The following KIF13A variants were observed in gnomAD, a reference collection of about 807,000 sequenced individuals.
The protein encoded by KIF13A is kinesin-like protein KIF13A.
In KIF13A, 79 loss-of-function variants were observed where a neutral mutation model predicts 212.2. That is an observed-to-expected ratio of 0.37 (90% CI 0.31 to 0.45). The LOEUF (loss-of-function observed/expected upper bound fraction) is 0.45, where lower values mean the gene tolerates loss of function less well. KIF13A is among the 20% of genes least tolerant of loss of function. The pLI is 1.00. For missense variants in KIF13A, 1,901 were observed against 2,209.0 expected, an observed-to-expected ratio of 0.86 and a Z score of 2.79; for synonymous variants, 789 against 808.6, an observed-to-expected ratio of 0.98 and a Z score of 0.41.
chr6:17,981,409 TTTTG>T (rs901865158), intron 2 of KIF13A, among the ~76,000 whole-genome samples: 2 of 151,490 alleles, frequency 1.3e-5, no homozygotes, highest in African/African-American at 2.4e-5. Flanking sequence ...TTACTTTTAG[TTTTG>T]TTTTTCTTTT....
chr6:17,870,430 T>G (rs2150430953), intron 4 of KIF13A, among the ~76,000 whole-genome samples: 1 of 152,218 alleles, frequency 6.6e-6, no homozygotes, highest in Non-Finnish European at 1.5e-5. Context: ...ATCATCTGTA[T>G]GTAATGAAGT....
chr6:17,881,446 A>G (rs1454123184), intron 3 of KIF13A: 1 of 377,508 alleles, frequency 2.6e-6, no homozygotes, highest in Admixed American at 3.2e-5. Context: ...TTACAGTTAA[A>G]AAAAAAAAAA....
At chr6:17,913,645 T>G (rs1451373450) in intron 2 of KIF13A, among the ~76,000 whole-genome samples, 1 of 152,068 alleles carries the variant, frequency 6.6e-6, no homozygotes, top group African/African-American at 2.4e-5. Context: ...GAGGGGATGG[T>G]GAACTCAGCT....
intron 18 of KIF13A, among the ~76,000 whole-genome samples, chr6:17,808,089 A>G (rs1763128321): frequency 6.6e-6 from 1 of 152,142 alleles, no homozygotes; most frequent in Admixed American, 6.6e-5. Flanking sequence ...TTCACTCTTA[A>G]AAAGGTACCA....
intron 2 of KIF13A, among the ~76,000 whole-genome samples, chr6:17,910,938 T>C (rs1774001806): frequency 6.6e-6 from 1 of 152,200 alleles, no homozygotes; most frequent in African/African-American, 2.4e-5. Flanking sequence ...AATGTTTTTG[T>C]ATTTTTAGTA....
intron 38 of KIF13A, chr6:17,770,804 G>A: frequency 1.0e-6 from 1 of 990,968 alleles, no homozygotes; most frequent in Non-Finnish European, 1.3e-6. Flanking sequence ...AATATGTATA[G>A]GCACATTAGA....
At position 17,772,041 on chromosome 6, in the gene KIF13A, G is replaced by T; in HGVS notation, c.4343C>A (p.Pro1448His). Residue 1448 changes from proline (P) to histidine (H), a missense_variant, in exon 37 of 39, where the codon CCT (proline) becomes CAT (histidine). Pro to His is a moderately conservative substitution (Grantham distance 77, BLOSUM62 -2). Coordinates refer to ENST00000259711, the MANE Select transcript of KIF13A (RefSeq NM_022113.6). This position sits in a 1 kb window ranked among gnomAD's most constrained non-coding sequence, Gnocchi z 4.8. ...AAAAGGGCTGACGGTTAAGGCATGA[G>T]GAGTCTCTGATGTACAACCTAGGGA... ...RNKEGCTSET[P>H]HALTVSPFKA... 6.2e-7 allele frequency: 1 copy of T among 1,613,922 alleles called. No individual in the cohort carries two copies. Among genetic ancestry groups the T allele is most frequent in the Non-Finnish European group, 8.5e-7 (1 of 1,179,832 alleles).
At chr6:17,767,795 T>C (rs1215177407) in intron 38 of KIF13A, among the ~76,000 whole-genome samples, 1 of 152,244 alleles carries the variant, frequency 6.6e-6, no homozygotes, top group African/African-American at 2.4e-5. Flanking sequence ...AGGCCTGTTA[T>C]CCTAAAATAC....
At chr6:17,936,346 A>T in intron 2 of KIF13A, 1 of 178,722 alleles carries the variant, frequency 5.6e-6, no homozygotes, top group Non-Finnish European at 1.3e-5. Flanking sequence ...ATGGGGTTTC[A>T]CCATGGTGGC....
intron 2 of KIF13A, among the ~76,000 whole-genome samples, chr6:17,928,952 A>G (rs1254025647): frequency 6.6e-6 from 1 of 151,684 alleles, no homozygotes. Flanking sequence ...GATCATAGAC[A>G]CTATAAATAA....
chr6:17,816,320 A>T lies in KIF13A; in HGVS notation c.2000+700T>A, dbSNP rs61636436. Among the ~76,000 whole-genome samples the T allele has an allele frequency of 0.04, 5,770 of 143,644 alleles. 126 individuals carry two copies. The highest frequency in any genetic ancestry group is 0.054 in the African/African-American group (2,094 of 38,630). 94.2% of individuals were successfully genotyped at this position (143,644 alleles called of 152,430 possible). ...TGGGGCTCAAGTGACCCTCCCTCCT[A>T]AGCCTCCCAAGTAGCTGGGATTATA... On this transcript the variant is annotated intron_variant, in intron 17 of 38. Coordinates refer to ENST00000259711, the MANE Select transcript of KIF13A (RefSeq NM_022113.6). The surrounding 1 kb of genome is among the most constrained non-coding windows in gnomAD (Gnocchi z 4.3).
intron 2 of KIF13A, among the ~76,000 whole-genome samples, chr6:17,958,467 A>C (rs1311935846): frequency 6.6e-6 from 1 of 152,220 alleles, no homozygotes; most frequent in Admixed American, 6.5e-5. Context: ...GCTAAGTAAA[A>C]TATCTATAAA....
At position 17,961,942 on chromosome 6, in the gene KIF13A, G is replaced by C. The variant is rs116557232; in HGVS notation, c.146+25112C>G. The stretch of plus-strand genomic sequence containing the variant: ...AATTGGGATACATTTGACAATCAAG[G>C]TTTAATAGTTCAACGGGCAATGGTT... On this transcript the variant is annotated intron_variant, in intron 2 of 38. Transcript: ENST00000259711. The surrounding 1 kb of genome is among the most constrained non-coding windows in gnomAD (Gnocchi z 4.1). 2.6e-3 allele frequency among the ~76,000 whole-genome samples: 390 copies of C among 152,320 alleles called. 1 individual carries two copies. Among genetic ancestry groups the C allele is most frequent in the African/African-American group, 9.0e-3 (375 of 41,554 alleles).
rs747502829 is a variant in KIF13A, at chr6:17,919,640, C to T, written c.147-21460G>A. On this transcript the variant is annotated intron_variant, in intron 2 of 38. Transcript: ENST00000259711. The surrounding 1 kb of genome is among the most constrained non-coding windows in gnomAD (Gnocchi z 4.1). ...GGCTGCTTTACCTACCCTGATTTGA[C>T]CTGTTCTATTATCTAGTTTTCCAGC... Among the ~76,000 whole-genome samples the T allele has an allele frequency of 2.0e-5, 3 of 152,180 alleles. No individual in the cohort carries two copies. Among genetic ancestry groups the T allele is most frequent in the Non-Finnish European group, 2.9e-5 (2 of 68,034 alleles).
At chr6:17,770,328 A>G (rs1195634563) in intron 38 of KIF13A, 1 of 144,128 alleles carries the variant, frequency 6.9e-6, no homozygotes, top group Non-Finnish European at 1.5e-5. Flanking sequence ...ACAAAAATTT[A>G]GAGAATTCTT....
In KIF13A at chr6:17,826,780, C is replaced by T. The variant is rs188171471; in HGVS notation, c.1533-656G>A. 2.0e-5 allele frequency among the ~76,000 whole-genome samples: 3 copies of T among 151,876 alleles called. No homozygotes were observed. The highest frequency in any genetic ancestry group is 7.2e-5 in the African/African-American group (3 of 41,396). ...TGACTGGCTATATGAAGATTAGTAA[C>T]GAATTATTATTAATTATTTTAGGTA... is the stretch of plus-strand genomic sequence containing the variant. On this transcript the variant is annotated intron_variant, in intron 14 of 38. Transcript: ENST00000259711. This position sits in a 1 kb window ranked among gnomAD's most constrained non-coding sequence, Gnocchi z 4.7.
Position 17,768,183 on chromosome 6 carries a change from T to C in KIF13A, c.4581+2931A>G, listed in dbSNP as rs1455631171. ...TAGATTTTTTATACCAGAAATCTCA[T>C]TTCTCATCATAGCTTAAAGAAGAAT... On this transcript the variant is annotated intron_variant, in intron 38 of 38. Coordinates refer to ENST00000259711, the MANE Select transcript of KIF13A (RefSeq NM_022113.6). This position sits in a 1 kb window ranked among gnomAD's most constrained non-coding sequence, Gnocchi z 5.4. Among the ~76,000 whole-genome samples, 1 of 152,230 alleles carries C rather than the reference T, an allele frequency of 6.6e-6. No homozygotes were observed. The highest frequency in any genetic ancestry group is 2.1e-4 in the South Asian group (1 of 4,832).
In KIF13A at chr6:17,987,242, C is replaced by T; in HGVS notation, c.56-98G>A. On this transcript the variant is annotated intron_variant, in intron 1 of 38. Transcript: ENST00000259711. The surrounding 1 kb of genome is among the most constrained non-coding windows in gnomAD (Gnocchi z 7.7). The stretch of plus-strand genomic sequence containing the variant: ...CCGAGCGGGGCTCCGTCCCTGGAGG[C>T]GGCCGAGCCTGGAGACGGCGCCCCG... 3 of 1,060,522 alleles carry T rather than the reference C, an allele frequency of 2.8e-6. No homozygotes were observed. The highest frequency in any genetic ancestry group is 2.5e-6 in the Non-Finnish European group (2 of 785,878). The allele number at this position is 1,060,522 out of a possible 1,614,324, so 65.7% of individuals were successfully genotyped here.
chr6:17,835,220 A>C (rs1157740773), intron 11 of KIF13A, among the ~76,000 whole-genome samples: 1 of 115,790 alleles, frequency 8.6e-6, no homozygotes, highest in African/African-American at 4.4e-5. Flanking sequence ...AAAAAAAAAA[A>C]AAAAAAAAAA....
Sources: allele counts gnomAD v4.1 joint callset (sites outside exome capture counted in the v4.1 genomes callset), GRCh38; gene constraint gnomAD v4.1.1; non-coding constraint Gnocchi (gnomAD v3.1); transcripts MANE v1.5; gene names NCBI Gene and HGNC (gene_info 2026-07-23, HGNC 2026-07-21).